DNAAF11: variants seen among roughly 807,000 people sequenced by gnomAD.
DNAAF11 encodes the protein leucine rich repeat containing 6.
Under a neutral mutation model 60.8 loss-of-function variants are expected in DNAAF11, and 45 were observed. The ratio of observed to expected loss-of-function variants is 0.74; its 90% CI spans 0.58 to 0.95. DNAAF11 has a LOEUF of 0.95. DNAAF11 is among the 40% of genes least tolerant of loss of function. The probability of loss-of-function intolerance (pLI) is 0.00; values close to 1 mark genes in which losing one functional copy is unlikely to be tolerated. For missense variants in DNAAF11, 546 were observed against 546.2 expected, an observed-to-expected ratio of 1.00 and a Z score of 0.00; for synonymous variants, 191 against 183.5, an observed-to-expected ratio of 1.04 and a Z score of -0.33.
At chr8:132,647,967 C>T (rs1252377870) in intron 3 of DNAAF11, among the ~76,000 whole-genome samples, 1 of 152,136 alleles carries the variant, frequency 6.6e-6, no homozygotes, top group East Asian at 1.9e-4. Context: ...TGAAACTATT[C>T]CAATCAACAG....
At chr8:132,600,948 C>T (rs532453541) in intron 10 of DNAAF11, among the ~76,000 whole-genome samples, 34 of 152,258 alleles carry the variant, frequency 2.2e-4, no homozygotes, top group Middle Eastern at 6.8e-3. Context: ...TAAAGAGCTT[C>T]TGCACAGCAA....
At chr8:132,696,439 A>G in the DNAAF11 span, among the ~76,000 whole-genome samples, 32 of 152,208 alleles carry the variant, frequency 2.1e-4, no homozygotes, top group African/African-American at 7.2e-4. Flanking sequence ...TTTCATTCCT[A>G]GGTATCTCAT....
At chr8:132,640,921 C>T (rs957907994) in intron 3 of DNAAF11, among the ~76,000 whole-genome samples, 10 of 152,092 alleles carry the variant, frequency 6.6e-5, no homozygotes, top group African/African-American at 2.4e-4. Flanking sequence ...TCAGAAGAGT[C>T]TACTTGGAAG....
chr8:132,580,708 C>A (rs1052971542), intron 11 of DNAAF11, among the ~76,000 whole-genome samples: 4 of 151,778 alleles, frequency 2.6e-5, no homozygotes, highest in African/African-American at 9.7e-5. Context: ...CAAATAAGAT[C>A]AAAAAAAGGA....
At chr8:132,645,351 C>T (rs1319970858) in intron 3 of DNAAF11, among the ~76,000 whole-genome samples, 1 of 152,056 alleles carries the variant, frequency 6.6e-6, no homozygotes, top group Non-Finnish European at 1.5e-5. Context: ...TCATCAAAGA[C>T]CAAAGGTAGA....
chr8:132,609,589 G>A (rs1262718040), intron 10 of DNAAF11, among the ~76,000 whole-genome samples: 2 of 152,128 alleles, frequency 1.3e-5, no homozygotes, highest in Non-Finnish European at 2.9e-5. Context: ...TGTGATGGGA[G>A]AGATTCTCTG....
upstream of DNAAF11, chr8:132,675,665 G>A: frequency 5.1e-6 from 3 of 588,070 alleles, no homozygotes; most frequent in Non-Finnish European, 5.8e-6. Flanking sequence ...TGAGCTCCGC[G>A]GAGCAAGCAG....
chr8:132,615,725 T>G (rs1476353168), intron 7 of DNAAF11, among the ~76,000 whole-genome samples: 1 of 152,194 alleles, frequency 6.6e-6, no homozygotes. Flanking sequence ...ATTTCAAAGC[T>G]CCACCATCTT....
At chr8:132,622,353 T>C (rs1324455155) in intron 7 of DNAAF11, among the ~76,000 whole-genome samples, 1 of 152,172 alleles carries the variant, frequency 6.6e-6, no homozygotes, top group Non-Finnish European at 1.5e-5. Flanking sequence ...GGTCCAAAGT[T>C]TCATGGGGTA....
At chr8:132,587,954 A>G (rs1037201680) in intron 10 of DNAAF11, among the ~76,000 whole-genome samples, 1 of 152,194 alleles carries the variant, frequency 6.6e-6, no homozygotes, top group African/African-American at 2.4e-5. Flanking sequence ...TTGAAGTTTC[A>G]TTACATTCCG....
intron 1 of DNAAF11, among the ~76,000 whole-genome samples, chr8:132,668,367 T>C (rs1363290131): frequency 6.6e-6 from 1 of 152,092 alleles, no homozygotes; most frequent in African/African-American, 2.4e-5. Context: ...ATAGAAAGTA[T>C]GATGAGTGCA....
chr8:132,579,177 T>C (rs998849869), intron 11 of DNAAF11, among the ~76,000 whole-genome samples: 1 of 152,198 alleles, frequency 6.6e-6, no homozygotes, highest in Non-Finnish European at 1.5e-5. Flanking sequence ...CCTGGCCAAG[T>C]ACCTCCCAGG....
intron 7 of DNAAF11, among the ~76,000 whole-genome samples, chr8:132,616,262 T>C (rs1028053591): frequency 6.6e-5 from 10 of 152,214 alleles, no homozygotes; most frequent in Middle Eastern, 3.4e-3. Flanking sequence ...GGACAGTCGT[T>C]GTATGGCACT....
At chr8:132,690,154 T>C in the DNAAF11 span, among the ~76,000 whole-genome samples, 2 of 152,218 alleles carry the variant, frequency 1.3e-5, no homozygotes, top group Non-Finnish European at 2.9e-5. Context: ...TCCCATTATA[T>C]AGGTATCCTG....
intron 3 of DNAAF11, among the ~76,000 whole-genome samples, chr8:132,641,064 A>G (rs1047179573): frequency 2.6e-5 from 4 of 152,146 alleles, no homozygotes; most frequent in Non-Finnish European, 4.4e-5. Flanking sequence ...GGGAGAAGGC[A>G]AAGTTTTTTC....
intron 4 of DNAAF11, 77 bp from the exon 5 acceptor site, chr8:132,633,040 G>C: frequency 1.2e-6 from 1 of 822,936 alleles, no homozygotes; most frequent in South Asian, 1.6e-5. Flanking sequence ...ATTTTGATTA[G>C]AAATAATAAT....
At chr8:132,696,129 A>G in the DNAAF11 span, among the ~76,000 whole-genome samples, 1 of 152,216 alleles carries the variant, frequency 6.6e-6, no homozygotes, top group Admixed American at 6.5e-5. Context: ...GTTAGGATAC[A>G]AAGTTATAAG....
At chr8:132,606,318 TA>T in intron 10 of DNAAF11, among the ~76,000 whole-genome samples, 1 of 152,060 alleles carries the variant, frequency 6.6e-6, no homozygotes, top group Admixed American at 6.6e-5. Flanking sequence ...TACTTATATT[TA>T]AAAAAAATAA....
intron 1 of DNAAF11, among the ~76,000 whole-genome samples, chr8:132,672,967 C>CT (rs926706571): frequency 8.5e-5 from 13 of 152,194 alleles, no homozygotes; most frequent in African/African-American, 2.6e-4. Context: ...ATCCCTGCGT[C>CT]TTTTTTTGGA....
Sources: allele counts gnomAD v4.1 joint callset (sites outside exome capture counted in the v4.1 genomes callset), GRCh38; gene constraint gnomAD v4.1.1; transcripts MANE v1.5; gene names NCBI Gene and HGNC (gene_info 2026-07-23, HGNC 2026-07-21).